Variants in RASGEF1A observed in about 807,000 individuals in gnomAD.
RASGEF1A encodes ras-GEF domain-containing family member 1A.
In RASGEF1A, 18 loss-of-function variants were observed where a neutral mutation model predicts 56.4. The observed-to-expected ratio is 0.32, with a 90% CI of 0.22 to 0.47. The LOEUF (loss-of-function observed/expected upper bound fraction) is 0.47, where lower values mean the gene tolerates loss of function less well. Among genes scored for constraint, RASGEF1A ranks in the 20% least tolerant of loss-of-function variants. RASGEF1A has a pLI of 1.00. For synonymous variants in RASGEF1A, 245 were observed against 242.6 expected, an observed-to-expected ratio of 1.01 and a Z score of -0.09; for missense variants, 422 against 627.1, an observed-to-expected ratio of 0.67 and a Z score of 3.49.
Position 43,266,997 on chromosome 10 carries a change from G to C in RASGEF1A, c.-159C>G, listed in dbSNP as rs1452995845. Reference sequence around the variant, plus strand: ...CGCCCCCGCGCTGCGCCAGCTGCGGGCAGAGCAGCTCCCTCCGCAGCCGGC... The same window carrying C: ...CGCCCCCGCGCTGCGCCAGCTGCGGCCAGAGCAGCTCCCTCCGCAGCCGGC... On this transcript the variant is annotated 5_prime_UTR_variant, in exon 1 of 13. Transcript: ENST00000395810. 6.8e-6 allele frequency: 1 copy of C among 147,696 alleles called. No individual in the cohort carries two copies. The highest frequency in any genetic ancestry group is 2.4e-5 in the African/African-American group (1 of 40,966). The allele number at this position is 147,696 out of a possible 1,614,324, so 9.1% of individuals were successfully genotyped here.
In RASGEF1A at chr10:43,203,354, G is replaced by T; in HGVS notation, c.265C>A (p.Arg89Ser). ...TGCTCCACGCAGATCTGCCCCACGC[G>T]GGCCAGCAGGTCATGAGGGGGCATA... ...VFMPPHDLLA[R>S]VGQICVEQKQ... The change falls in exon 3 of 13, where the codon CGC (arginine) becomes AGC (serine). Residue 89 changes from arginine to serine, a missense_variant. Arg to Ser is a moderately radical substitution (Grantham distance 110). This residue lies in a region of RASGEF1A where 273 missense variants were observed against 339.9 expected (regional missense o/e 0.80). Coordinates refer to ENST00000395810, the MANE Select transcript of RASGEF1A (RefSeq NM_145313.4). 6.3e-7 allele frequency: 1 copy of T among 1,585,142 alleles called. No homozygotes were observed. The highest frequency in any genetic ancestry group is 2.3e-5 in the East Asian group (1 of 43,476).
rs562958081 is a variant in RASGEF1A at position 43,207,240 on chromosome 10, G to A, written c.-6-1118C>T. ...AGCGGCTGAGGTCAGGTGGAGAAGC[G>A]AGACCCTCCTGCCATTTTGGCCTTA... On this transcript the variant is annotated intron_variant, in intron 1 of 12. Coordinates refer to ENST00000395810, the MANE Select transcript of RASGEF1A (RefSeq NM_145313.4). 2.7e-5 allele frequency: 27 copies of A among 985,542 alleles called. No individual in the cohort carries two copies. The East Asian group carries it at 3.4e-4, about 12-fold the overall frequency. The allele number at this position is 985,542 out of a possible 1,614,324, so 61.0% of individuals were successfully genotyped here.
At chr10:43,248,357 C>T (rs1461611219) in intron 1 of RASGEF1A, among the ~76,000 whole-genome samples, 2 of 100,246 alleles carry the variant, frequency 2.0e-5, no homozygotes, top group African/African-American at 3.9e-5. Context: ...CTATGAGACT[C>T]GGTCTTTAAA....
At chr10:43,203,193 TC>T in intron 3 of RASGEF1A, 104 bp downstream of exon 3, 2 of 729,934 alleles carry the variant, frequency 2.7e-6, no homozygotes, top group Non-Finnish European at 3.6e-6. Context: ...CCTGACCCCA[TC>T]CCCCAGCTCT....
At chr10:43,203,129 C>A (rs1839934134) in intron 3 of RASGEF1A, among the ~76,000 whole-genome samples, 169 bp downstream of exon 3, 1 of 127,762 alleles carries the variant, frequency 7.8e-6, no homozygotes, top group Admixed American at 7.9e-5. Flanking sequence ...CACCCCCTGG[C>A]CCCACCCTGG....
intron 1 of RASGEF1A, among the ~76,000 whole-genome samples, chr10:43,218,043 C>T (rs928610297): frequency 2.0e-5 from 3 of 152,186 alleles, no homozygotes; most frequent in East Asian, 1.9e-4. Context: ...AGCTGGGAGC[C>T]GGCACCCTCC....
chr10:43,245,902 T>C (rs1028163376), intron 1 of RASGEF1A, among the ~76,000 whole-genome samples: 2 of 152,170 alleles, frequency 1.3e-5, no homozygotes, highest in Non-Finnish European at 2.9e-5. Context: ...CTCTGGAGGT[T>C]CTGGCCTCGG....
chr10:43,255,308 C>T (rs1033036087), intron 1 of RASGEF1A, among the ~76,000 whole-genome samples: 2 of 152,222 alleles, frequency 1.3e-5, no homozygotes, highest in Non-Finnish European at 2.9e-5. Context: ...CACTCAGCAT[C>T]GCTCCTTCCT....
At chr10:43,259,612 C>T (rs1394231936) in intron 1 of RASGEF1A, among the ~76,000 whole-genome samples, 1 of 152,210 alleles carries the variant, frequency 6.6e-6, no homozygotes, top group East Asian at 1.9e-4. Flanking sequence ...AGAGCATACC[C>T]TCTCTAAACC....
intron 1 of RASGEF1A, among the ~76,000 whole-genome samples, chr10:43,230,039 G>A (rs899418748): frequency 9.2e-5 from 14 of 151,968 alleles, no homozygotes; most frequent in Admixed American, 8.5e-4. Context: ...TCCGGGATCG[G>A]CCGTGCCGGG....
chr10:43,203,483 CGCTGCTTCACCTGGCCCG>C, intron 2 of RASGEF1A, 63 bp from the exon 3 acceptor site: 1 of 1,460,400 alleles, frequency 6.8e-7, no homozygotes, highest in African/African-American at 1.4e-5. Flanking sequence ...GGGCTCACCG[CGCTGCTTCACCTGGCCCG>C]GCTGCCTCCC....
rs1234683668 is a variant in RASGEF1A at position 43,267,038 on chromosome 10, C to G, written c.-200G>C. On this transcript the variant is annotated 5_prime_UTR_variant, in exon 1 of 13. Transcript: ENST00000395810. ...CGCAGCCGGCGCCGGGGAGCGCGAGCGAGCGAGCGAACGAGCGAGCGCGGA... is the reference window on the plus strand; with the variant it reads ...CGCAGCCGGCGCCGGGGAGCGCGAGGGAGCGAGCGAACGAGCGAGCGCGGA... The G allele has an allele frequency of 1.3e-5, 2 of 149,746 alleles. No individual in the cohort carries two copies. Among genetic ancestry groups the G allele is most frequent in the Non-Finnish European group, 3.0e-5 (2 of 67,336 alleles). The allele number at this position is 149,746 out of a possible 1,614,324, so 9.3% of individuals were successfully genotyped here.
chr10:43,195,558 T>A lies in RASGEF1A; in HGVS notation c.*686A>T, dbSNP rs193289848. On this transcript the variant is annotated 3_prime_UTR_variant, in exon 13 of 13. Coordinates refer to ENST00000395810, the MANE Select transcript of RASGEF1A (RefSeq NM_145313.4). This position sits in a 1 kb window ranked among gnomAD's most constrained non-coding sequence, Gnocchi z 4.2. ...TTTCTAAAATGTAGTTGAAGAATGA[T>A]TTGCTGGACACATTGTCACAGAAAA... The A allele has an allele frequency of 1.7e-3, 263 of 152,682 alleles. 4 individuals are homozygous for A. The highest frequency in any genetic ancestry group is 1.5e-4 in the Non-Finnish European group (10 of 68,044). The allele number at this position is 152,682 out of a possible 1,614,324, so 9.5% of individuals were successfully genotyped here.
intron 1 of RASGEF1A, among the ~76,000 whole-genome samples, chr10:43,226,640 C>G (rs1048166789): frequency 5.3e-5 from 8 of 152,156 alleles, no homozygotes; most frequent in Non-Finnish European, 1.2e-4. Flanking sequence ...AGAACCCACA[C>G]AGTGGAGCCC....
intron 1 of RASGEF1A, among the ~76,000 whole-genome samples, chr10:43,253,410 G>A (rs985139168): frequency 3.3e-5 from 5 of 152,244 alleles, no homozygotes; most frequent in African/African-American, 1.2e-4. Flanking sequence ...GAATGTTCCC[G>A]TATTCGGCAA....
At chr10:43,249,832 G>A (rs10793426) in intron 1 of RASGEF1A, among the ~76,000 whole-genome samples, 25,570 of 152,206 alleles carry the variant, frequency 0.17, 2,744 homozygotes, top group East Asian at 0.51. Context: ...CCCCACCACC[G>A]GCCCCCACGC....
Position 43,199,580 on chromosome 10 carries a change from T to C in RASGEF1A, c.849+96A>G, listed in dbSNP as rs968621773. The C allele has an allele frequency of 8.0e-6, 8 of 995,404 alleles. No homozygotes were observed. In the African/African-American group the frequency reaches 9.5e-5, roughly 12 times the overall value. The allele number at this position is 995,404 out of a possible 1,614,324, so 61.7% of individuals were successfully genotyped here. On this transcript the variant is annotated intron_variant, in intron 7 of 12. Transcript: ENST00000395810. ...TGCAACAGGGACTTTGTGCATTCAC[T>C]CTTAAAGTTCCATCATCTAATTCCT... is the stretch of plus-strand genomic sequence containing the variant.
intron 1 of RASGEF1A, chr10:43,206,580 G>T: frequency 1.0e-6 from 1 of 999,710 alleles, no homozygotes; most frequent in Non-Finnish European, 1.2e-6. Context: ...GTGCAGCGGG[G>T]AGCTGGGAGG....
intron 1 of RASGEF1A, among the ~76,000 whole-genome samples, chr10:43,215,888 G>A (rs1007791093): frequency 1.3e-5 from 2 of 152,182 alleles, no homozygotes; most frequent in Non-Finnish European, 2.9e-5. Flanking sequence ...CTGCCTGGGC[G>A]GTGAGGTTGG....
Sources: allele counts gnomAD v4.1 joint callset (sites outside exome capture counted in the v4.1 genomes callset), GRCh38; gene constraint gnomAD v4.1.1; regional missense constraint gnomAD v4.1.1; non-coding constraint Gnocchi (gnomAD v3.1); transcripts MANE v1.5; gene names NCBI Gene and HGNC (gene_info 2026-07-23, HGNC 2026-07-21).